The following ADAM29 variants were observed in gnomAD, a reference collection of about 807,000 sequenced individuals.
ADAM29 encodes disintegrin and metalloproteinase domain-containing protein 29.
For synonymous variants in ADAM29, 367 were observed against 342.3 expected, an observed-to-expected ratio of 1.07 and a Z score of -0.80; for missense variants, 969 against 1,001.8, an observed-to-expected ratio of 0.97 and a Z score of 0.44.
chr4:174,959,256 T>A (rs2111051530), intron 4 of ADAM29, among the ~76,000 whole-genome samples: 1 of 152,016 alleles, frequency 6.6e-6, no homozygotes, highest in South Asian at 2.1e-4. Flanking sequence ...TGGCAGGGAT[T>A]TTTTTTCTCC....
chr4:174,958,296 A>G (rs192556499), intron 4 of ADAM29, among the ~76,000 whole-genome samples: 3 of 151,736 alleles, frequency 2.0e-5, no homozygotes, highest in Non-Finnish European at 4.4e-5. Context: ...TTCTCTTTTC[A>G]GTTCTATCAG....
chr4:174,921,890 C>T (rs146541618), intron 2 of ADAM29, among the ~76,000 whole-genome samples: 54 of 152,026 alleles, frequency 3.6e-4, no homozygotes, highest in African/African-American at 1.1e-3. Context: ...CTTTTATTTT[C>T]GTATGTAGTT....
At chr4:174,965,484 CATCTATCTATCT>C (rs60063978) in intron 4 of ADAM29, among the ~76,000 whole-genome samples, 10 of 147,202 alleles carry the variant, frequency 6.8e-5, no homozygotes, top group South Asian at 2.2e-4. Context: ...CTCTATCTAT[CATCTATCTATCT>C]ATCTATCTAT....
intron 3 of ADAM29, among the ~76,000 whole-genome samples, chr4:174,934,836 C>G (rs991984106): frequency 2.0e-5 from 3 of 152,212 alleles, no homozygotes; most frequent in Non-Finnish European, 4.4e-5. Context: ...TGGCCCACAG[C>G]TAACTTTTCT....
intron 1 of ADAM29, among the ~76,000 whole-genome samples, chr4:174,918,741 T>C (rs28657554): frequency 0.016 from 2,360 of 150,426 alleles, 60 homozygotes; most frequent in African/African-American, 0.054. Context: ...AGTACTTCTC[T>C]AAATTTAAAA....
chr4:174,962,334 A>AC (rs1745876696), intron 4 of ADAM29, among the ~76,000 whole-genome samples: 1 of 151,834 alleles, frequency 6.6e-6, no homozygotes, highest in Non-Finnish European at 1.5e-5. Flanking sequence ...ACACGGTGAA[A>AC]CCCCGTCTCT....
chr4:174,921,485 G>A (rs1189015679), intron 2 of ADAM29, among the ~76,000 whole-genome samples: 2 of 152,026 alleles, frequency 1.3e-5, no homozygotes, highest in South Asian at 2.1e-4. Context: ...GGGCATTTTG[G>A]CCAAAACCAG....
intron 4 of ADAM29, among the ~76,000 whole-genome samples, chr4:174,970,940 A>G (rs980361089): frequency 1.3e-5 from 2 of 152,096 alleles, no homozygotes; most frequent in Admixed American, 6.5e-5. Flanking sequence ...TTTTAAGCTG[A>G]TAAGTTCAAT....
rs1196178001 is a variant in ADAM29 at position 174,929,820 on chromosome 4, G to A, written c.-450-1166G>A. Among the ~76,000 whole-genome samples the A allele has an allele frequency of 5.5e-4, 82 of 150,246 alleles. 1 individual carries two copies. The highest frequency in any genetic ancestry group is 1.3e-3 in the Admixed American group (20 of 15,088). On this transcript the variant is annotated intron_variant, in intron 2 of 4. Coordinates refer to ENST00000359240, the MANE Select transcript of ADAM29 (RefSeq NM_014269.4). ...TGCCCAGGCTGGAGTGCAGTGGCGC[G>A]ATCTCAGCTCACTGCAATCTCTGTC...
At chr4:174,952,380 A>ACACC (rs1491400835) in intron 4 of ADAM29, among the ~76,000 whole-genome samples, 5 of 148,532 alleles carry the variant, frequency 3.4e-5, no homozygotes, top group African/African-American at 1.2e-4. Flanking sequence ...ACACACACAC[A>ACACC]CCTTAATTAC....
At chr4:174,958,011 G>A (rs982523159) in intron 4 of ADAM29, among the ~76,000 whole-genome samples, 1 of 151,678 alleles carries the variant, frequency 6.6e-6, no homozygotes, top group Admixed American at 6.6e-5. Context: ...TAGTTTAATT[G>A]TATTGTAGTC....
chr4:174,927,213 T>C (rs1026247804), intron 2 of ADAM29, among the ~76,000 whole-genome samples: 1 of 152,196 alleles, frequency 6.6e-6, no homozygotes, highest in African/African-American at 2.4e-5. Flanking sequence ...ACACTCGCTA[T>C]CAAACCAGCC....
At chr4:174,939,255 A>G (rs1744384636) in intron 4 of ADAM29, among the ~76,000 whole-genome samples, 1 of 152,184 alleles carries the variant, frequency 6.6e-6, no homozygotes, top group African/African-American at 2.4e-5. Context: ...TCATAAAGAT[A>G]TACTTTCTTT....
intron 3 of ADAM29, 179 bp downstream of exon 3, chr4:174,931,353 T>C (rs1238289753): frequency 1.3e-5 from 2 of 152,238 alleles, no homozygotes; most frequent in African/African-American, 2.4e-5. Flanking sequence ...CTAGGTCTTA[T>C]CATATCCAAA....
chr4:174,977,165 C>CA lies in ADAM29; in HGVS notation c.1641dup (p.Asp548ArgfsTer10). ...GCTACATATATAAAGTGTAATATCT[C>CA]AGATGTCCAGTGTGGAAGAATTCAG... On this transcript the variant is annotated frameshift_variant, in exon 5 of 5. Coordinates refer to ENST00000359240, the MANE Select transcript of ADAM29 (RefSeq NM_014269.4). LOFTEE classifies it low-confidence loss of function (END_TRUNC). The CA allele has an allele frequency of 1.2e-6, 2 of 1,614,094 alleles. No homozygotes were observed. The highest frequency in any genetic ancestry group is 1.7e-6 in the Non-Finnish European group (2 of 1,180,034).
At chr4:174,929,391 A>G (rs1743709237) in intron 2 of ADAM29, among the ~76,000 whole-genome samples, 1 of 152,184 alleles carries the variant, frequency 6.6e-6, no homozygotes, top group African/African-American at 2.4e-5. Context: ...AGGACTTTTC[A>G]TTAGTTCAGC....
chr4:174,956,529 AAG>A (rs1239378533), intron 4 of ADAM29, among the ~76,000 whole-genome samples: 5 of 151,262 alleles, frequency 3.3e-5, no homozygotes, highest in African/African-American at 4.8e-5. Context: ...AGAGAAAAAA[AAG>A]AGAGAGAATA....
chr4:174,974,060 C>T (rs2111109924), intron 4 of ADAM29, among the ~76,000 whole-genome samples: 1 of 152,198 alleles, frequency 6.6e-6, no homozygotes, highest in East Asian at 1.9e-4. Flanking sequence ...GTGATGTTGC[C>T]AATATGGGTG....
chr4:174,978,120 A>G lies in ADAM29; in HGVS notation c.*132A>G. 1 of 1,412,816 alleles carries G rather than the reference A, an allele frequency of 7.1e-7. No individual in the cohort carries two copies. The highest frequency in any genetic ancestry group is 1.9e-4 in the Middle Eastern group (1 of 5,394). 87.5% of individuals were successfully genotyped at this position (1,412,816 alleles called of 1,614,324 possible). ...GGAGTAAAAGTGGTAAACAAAAGCA[A>G]TCAGTACCAATTCCAAAAACTGTAT... On this transcript the variant is annotated 3_prime_UTR_variant, in exon 5 of 5. Coordinates refer to ENST00000359240, the MANE Select transcript of ADAM29 (RefSeq NM_014269.4).
Sources: gnomAD v4.1 joint callset for allele counts (sites outside exome capture counted in the v4.1 genomes callset) on GRCh38, gnomAD v4.1.1 for gene constraint, MANE v1.5 for transcripts, NCBI Gene and HGNC (gene_info 2026-07-23, HGNC 2026-07-21) for gene names.